Variants in RFC1 observed in about 807,000 individuals in gnomAD.
RFC1 encodes the protein A1 140 kDa subunit.
A neutral mutation model predicts 137.4 loss-of-function variants in RFC1; 37 were observed. That is an observed-to-expected ratio of 0.27 (90% CI 0.21 to 0.35). The LOEUF (loss-of-function observed/expected upper bound fraction) is 0.35, where lower values mean the gene tolerates loss of function less well. Ranked by LOEUF, RFC1 falls within the 10% of genes least tolerant of loss-of-function variation. The pLI is 1.00. For missense variants in RFC1, 1,205 were observed against 1,358.5 expected (o/e 0.89, Z 1.78); for synonymous variants, 429 against 455.7 (o/e 0.94, Z 0.75).
intron 4 of RFC1, among the ~76,000 whole-genome samples, chr4:39,332,856 G>A (rs986814134): frequency 6.6e-5 from 10 of 152,172 alleles, no homozygotes; most frequent in East Asian, 1.9e-4. Flanking sequence ...GGTGGCCCAC[G>A]CCTATAATCC....
chr4:39,306,321 C>T (rs186995845), intron 14 of RFC1, among the ~76,000 whole-genome samples: 15 of 152,310 alleles, frequency 9.8e-5, no homozygotes, highest in African/African-American at 3.1e-4. Context: ...TTTTTGTTAT[C>T]TATAATACAC....
chr4:39,349,597 T>C (rs922862825), intron 2 of RFC1, among the ~76,000 whole-genome samples: 1 of 152,210 alleles, frequency 6.6e-6, no homozygotes, highest in Non-Finnish European at 1.5e-5. Flanking sequence ...TTTTGTAGTA[T>C]TTTGTCATGG....
At chr4:39,325,458 T>C (rs993201621) in intron 6 of RFC1, among the ~76,000 whole-genome samples, 7 of 152,148 alleles carry the variant, frequency 4.6e-5, no homozygotes, top group African/African-American at 7.2e-5. Flanking sequence ...TCACAGCTCA[T>C]TGCAGCCTGA....
intron 3 of RFC1, among the ~76,000 whole-genome samples, chr4:39,343,181 C>T (rs766830719): frequency 6.6e-6 from 1 of 152,144 alleles, no homozygotes; most frequent in Non-Finnish European, 1.5e-5. Context: ...TGCCACCACG[C>T]CCAGATAATT....
At chr4:39,305,775 A>G (rs150385687) in intron 14 of RFC1, among the ~76,000 whole-genome samples, 1 of 152,322 alleles carries the variant, frequency 6.6e-6, no homozygotes, top group African/African-American at 2.4e-5. Flanking sequence ...CTTATGCCTT[A>G]ATTCATAAAA....
chr4:39,350,199 T>C (rs923141262), intron 2 of RFC1, among the ~76,000 whole-genome samples: 1 of 151,116 alleles, frequency 6.6e-6, no homozygotes, highest in African/African-American at 2.4e-5. Flanking sequence ...AAAGAGAAAG[T>C]ACTCAATCTG....
chr4:39,297,002 A>C (rs1738051043), intron 21 of RFC1, among the ~76,000 whole-genome samples: 2 of 151,010 alleles, frequency 1.3e-5, no homozygotes, highest in South Asian at 2.1e-4. Flanking sequence ...TCTGATGGCC[A>C]GTGATGATTA....
chr4:39,327,626 A>T lies in RFC1; in HGVS notation c.462T>A (p.Pro154=), dbSNP rs747797353. 8 of 1,613,736 alleles carry T rather than the reference A, an allele frequency of 5.0e-6. No individual in the cohort carries two copies. In the East Asian group the frequency reaches 1.8e-4, roughly 36 times the overall value. Residue 154 remains proline, a synonymous_variant, in exon 5 of 25, where the codon CCT becomes CCA. Transcript: ENST00000349703. ...NEENTKTKNK[P]LSPIKLTPTS... is the part of the protein sequence containing the mutation. Reference sequence around the variant, plus strand: ...TGGGTGTAAGTTTTATTGGTGATAAAGGCTTATTCTTGGTCTTAGTGTTTT... The same window carrying T: ...TGGGTGTAAGTTTTATTGGTGATAATGGCTTATTCTTGGTCTTAGTGTTTT...
chr4:39,366,276 G>C lies in RFC1; in HGVS notation c.-35C>G. 1 of 1,524,460 alleles carries C rather than the reference G, an allele frequency of 6.6e-7. No individual in the cohort carries two copies. Among genetic ancestry groups the C allele is most frequent in the Non-Finnish European group, 8.8e-7 (1 of 1,135,094 alleles). The allele number at this position is 1,524,460 out of a possible 1,614,324, so 94.4% of individuals were successfully genotyped here. On this transcript the variant is annotated 5_prime_UTR_variant, in exon 1 of 25. Coordinates refer to ENST00000349703, the MANE Select transcript of RFC1 (RefSeq NM_002913.5). ...AGGATGAAGGCGCTGGCTGGCTGGC[G>C]GGTGGGCCGGTTGAGGAATCTGTTA...
At position 39,304,914 on chromosome 4, in the gene RFC1, G is replaced by T; in HGVS notation, c.2010C>A (p.Ser670Arg). ...TGTCACTTGCATTCAGTTCCACGTA[G>T]CTGTATCCCAACTCCTAATCAAAAT... is the stretch of plus-strand genomic sequence containing the variant. ...ASLVCQELGY[S>R]YVELNASDTR... Residue 670 changes from serine (S) to arginine (R), a missense_variant, in exon 15 of 25, where the codon AGC (serine) becomes AGA (arginine). Transcript: ENST00000349703. 1 of 1,607,594 alleles carries T rather than the reference G, an allele frequency of 6.2e-7. No homozygotes were observed. The highest frequency in any genetic ancestry group is 2.2e-5 in the East Asian group (1 of 44,836).
At chr4:39,307,334 C>T (rs971465932) in intron 13 of RFC1, 1 of 153,624 alleles carries the variant, frequency 6.5e-6, no homozygotes, top group Non-Finnish European at 1.4e-5. Context: ...TCATGCTCAA[C>T]TCATACTCAA....
Position 39,302,514 on chromosome 4 carries a change from G to C in RFC1, c.2422C>G (p.Gln808Glu). 1 of 1,602,056 alleles carries C rather than the reference G, an allele frequency of 6.2e-7. No homozygotes were observed. The highest frequency in any genetic ancestry group is 8.5e-7 in the Non-Finnish European group (1 of 1,170,200). Reference sequence around the variant, plus strand: ...ATTTAATTTACCTGTCTGATATCTTGATTGGCTCCCAAAATTATTTCATTC... The same window carrying C: ...ATTTAATTTACCTGTCTGATATCTTCATTGGCTCCCAAAATTATTTCATTC... The part of the protein sequence containing the change: ...AMNEIILGAN[Q>E]DIRQVLHNLS... Residue 808 changes from glutamine to glutamate, a missense_variant, in exon 18 of 25, where the codon CAA becomes GAA. By Grantham distance (29) the Gln-to-Glu change is conservative. Coordinates refer to ENST00000349703, the MANE Select transcript of RFC1 (RefSeq NM_002913.5).
At chr4:39,348,422 C>CG (rs1740973487) in intron 2 of RFC1, among the ~76,000 whole-genome samples, 4 of 46,170 alleles carry the variant, frequency 8.7e-5, no homozygotes, top group African/African-American at 3.7e-4. Context: ...GACTCTGTTT[C>CG]AAAAAAGAAA....
At chr4:39,347,520 G>C (rs1195296052) in intron 2 of RFC1, among the ~76,000 whole-genome samples, 2 of 152,048 alleles carry the variant, frequency 1.3e-5, no homozygotes, top group African/African-American at 4.8e-5. Context: ...TACAGATTTT[G>C]GTACCAAGAA....
intron 1 of RFC1, among the ~76,000 whole-genome samples, chr4:39,365,168 A>AAAC (rs1162940660): frequency 6.6e-6 from 1 of 151,138 alleles, no homozygotes; most frequent in Non-Finnish European, 1.5e-5. Flanking sequence ...AAAAAAAAAA[A>AAAC]AAAAAAAACC....
intron 1 of RFC1, among the ~76,000 whole-genome samples, chr4:39,358,834 C>T (rs989398386): frequency 6.6e-6 from 1 of 152,224 alleles, no homozygotes; most frequent in African/African-American, 2.4e-5. Context: ...GAACCACACA[C>T]TCACACTGTG....
chr4:39,295,492 T>C, intron 22 of RFC1, 122 bp downstream of exon 22: 1 of 736,734 alleles, frequency 1.4e-6, no homozygotes, highest in Non-Finnish European at 2.1e-6. Context: ...CCAGGATCAT[T>C]CATCTAGTTA....
chr4:39,356,010 A>G (rs1436388288), intron 1 of RFC1: 5 of 151,660 alleles, frequency 3.3e-5, no homozygotes, highest in Non-Finnish European at 7.3e-5. Flanking sequence ...CAAAAAAAAA[A>G]AAAAAAAACA....
chr4:39,337,192 T>C (rs925271113), intron 4 of RFC1, among the ~76,000 whole-genome samples: 4 of 152,074 alleles, frequency 2.6e-5, no homozygotes, highest in African/African-American at 9.7e-5. Context: ...CTGACCAACA[T>C]GGAGAAAGCC....
Sources: allele counts gnomAD v4.1 joint callset (sites outside exome capture counted in the v4.1 genomes callset), GRCh38; gene constraint gnomAD v4.1.1; transcripts MANE v1.5; gene names NCBI Gene and HGNC (gene_info 2026-07-23, HGNC 2026-07-21).